The following ANKS1B variants were observed in gnomAD, a reference collection of about 807,000 sequenced individuals.
ANKS1B encodes the protein ankyrin repeat and sterile alpha motif domain containing 1B.
In ANKS1B, 36 loss-of-function variants were observed where a neutral mutation model predicts 148.3. That is an observed-to-expected ratio of 0.24 (90% CI 0.19 to 0.32). ANKS1B has a LOEUF of 0.32. ANKS1B is among the 10% of genes least tolerant of loss of function. The pLI is 1.00. For synonymous variants in ANKS1B, 542 were observed against 560.8 expected (o/e 0.97, Z 0.47); for missense variants, 1,157 against 1,542.6 (o/e 0.75, Z 4.19).
intron 8 of ANKS1B, among the ~76,000 whole-genome samples, chr12:99,705,043 A>G (rs530147857): frequency 6.6e-6 from 1 of 152,272 alleles, no homozygotes; most frequent in South Asian, 2.1e-4. Context: ...AGAAAAAACT[A>G]AAAATCAACC....
intron 15 of ANKS1B, among the ~76,000 whole-genome samples, chr12:99,135,191 T>C (rs1471663565): frequency 6.6e-6 from 1 of 152,112 alleles, no homozygotes; most frequent in Non-Finnish European, 1.5e-5. Flanking sequence ...TAAAAATCTA[T>C]TTAAACATTG....
chr12:99,552,772 G>T (rs1463839679), intron 9 of ANKS1B, among the ~76,000 whole-genome samples: 1 of 152,122 alleles, frequency 6.6e-6, no homozygotes. Context: ...ATAGAAAATG[G>T]TGTTGTATTT....
rs139744701 is a variant in ANKS1B, at chr12:99,752,763, C to T, written c.1128+20159G>A. ...AAAACACATTACTATTGGAATGCTG[C>T]TAAAAATATGACTAGAATTCATTTT... On this transcript the variant is annotated intron_variant, in intron 8 of 26. Coordinates refer to ENST00000683438, the MANE Select transcript of ANKS1B (RefSeq NM_001352186.2). Among the ~76,000 whole-genome samples the T allele has an allele frequency of 3.5e-3, 538 of 151,922 alleles. 3 individuals are homozygous for T. The highest frequency in any genetic ancestry group is 0.012 in the African/African-American group (496 of 41,470).
intron 22 of ANKS1B, chr12:98,794,824 A>T (rs1392416642): frequency 2.5e-6 from 4 of 1,591,322 alleles, no homozygotes; most frequent in Non-Finnish European, 3.4e-6. Flanking sequence ...GAAGAAAAAT[A>T]AAGAGCTACA....
intron 14 of ANKS1B, among the ~76,000 whole-genome samples, chr12:99,224,102 T>A (rs1180442371): frequency 6.7e-6 from 1 of 148,478 alleles, no homozygotes; most frequent in Non-Finnish European, 1.5e-5. Flanking sequence ...ATTTTTTAAA[T>A]TTTTTTTTTT....
intron 12 of ANKS1B, among the ~76,000 whole-genome samples, chr12:99,288,857 C>A (rs1234441521): frequency 6.6e-6 from 1 of 151,872 alleles, no homozygotes; most frequent in East Asian, 1.9e-4. Flanking sequence ...GAGAAGACCA[C>A]AAAACAACCA....
intron 12 of ANKS1B, among the ~76,000 whole-genome samples, chr12:99,265,098 A>G (rs1602211868): frequency 6.6e-6 from 1 of 152,286 alleles, no homozygotes; most frequent in East Asian, 1.9e-4. Context: ...AATTCATTTA[A>G]TTTTATTAAC....
chr12:99,594,229 G>A (rs1315233990), intron 9 of ANKS1B, among the ~76,000 whole-genome samples: 2 of 152,038 alleles, frequency 1.3e-5, no homozygotes, highest in South Asian at 4.2e-4. Context: ...TGAGGATGAG[G>A]AGAAATTGGA....
chr12:99,197,302 C>A (rs2081506139), intron 14 of ANKS1B, among the ~76,000 whole-genome samples: 1 of 152,172 alleles, frequency 6.6e-6, no homozygotes, highest in Admixed American at 6.5e-5. Flanking sequence ...CTTAGCCCAA[C>A]ACTCTTAGAA....
chr12:99,304,347 G>A (rs571292018), intron 12 of ANKS1B, among the ~76,000 whole-genome samples: 15 of 152,174 alleles, frequency 9.9e-5, no homozygotes, highest in Admixed American at 7.2e-4. Flanking sequence ...ACCTGGGAGG[G>A]TCTTCTTAAC....
intron 1 of ANKS1B, among the ~76,000 whole-genome samples, chr12:99,835,042 G>A (rs2084613225): frequency 6.6e-6 from 1 of 152,050 alleles, no homozygotes; most frequent in South Asian, 2.1e-4. Context: ...GTTTAGTGAT[G>A]GCACAATTTT....
At chr12:99,282,573 A>C (rs1042112008) in intron 12 of ANKS1B, among the ~76,000 whole-genome samples, 9 of 152,288 alleles carry the variant, frequency 5.9e-5, no homozygotes, top group African/African-American at 2.2e-4. Context: ...CAGGCAGGAA[A>C]AGACCATGGC....
intron 9 of ANKS1B, among the ~76,000 whole-genome samples, chr12:99,620,250 G>A (rs2098030122): frequency 6.6e-6 from 1 of 152,102 alleles, no homozygotes; most frequent in Non-Finnish European, 1.5e-5. Flanking sequence ...GAAAATCCTA[G>A]ATGCATGAGA....
intron 12 of ANKS1B, among the ~76,000 whole-genome samples, chr12:99,353,188 T>C (rs966261781): frequency 2.2e-4 from 33 of 152,054 alleles, no homozygotes; most frequent in African/African-American, 6.0e-4. Flanking sequence ...TAGAATAAGA[T>C]ATACATGGGT....
intron 9 of ANKS1B, among the ~76,000 whole-genome samples, chr12:99,533,906 C>A (rs1390176813): frequency 6.6e-6 from 1 of 151,948 alleles, no homozygotes; most frequent in African/African-American, 2.4e-5. Flanking sequence ...ACATAAATGA[C>A]CAATATTAAT....
At chr12:99,068,591 A>G (rs6419378) in intron 16 of ANKS1B, among the ~76,000 whole-genome samples, 99,210 of 151,540 alleles carry the variant, frequency 0.65, 32,587 homozygotes, top group East Asian at 0.8. Context: ...ATTTGGGTGA[A>G]TTTCTTTTAT....
chr12:99,812,068 T>G, intron 3 of ANKS1B, 87 bp downstream of exon 3: 1 of 1,473,398 alleles, frequency 6.8e-7, no homozygotes, highest in South Asian at 1.4e-5. Context: ...TTGGGCAAGG[T>G]AAAGATAAAA....
rs2063337946 is a variant in ANKS1B, at chr12:99,772,983, T to C, written c.1067A>G (p.Tyr356Cys). The C allele has an allele frequency of 2.5e-6, 4 of 1,612,716 alleles. No individual in the cohort carries two copies. The South Asian group carries it at 3.3e-5, about 13-fold the overall frequency. ...EDLCHTISDHYLDNLSKISEE... is the reference protein window; with the variant it reads ...EDLCHTISDHCLDNLSKISEE... ...TGAAATCTTGCTCAAATTATCTAAG[T>C]AGTGGTCTGATATTGTGTGGCACAA... The change falls in exon 8 of 27, where the codon TAC (tyrosine) becomes TGC (cysteine). Residue 356 changes from tyrosine to cysteine, a missense_variant. Coordinates refer to ENST00000683438, the MANE Select transcript of ANKS1B (RefSeq NM_001352186.2).
At chr12:99,388,104 C>T (rs984889861) in intron 12 of ANKS1B, among the ~76,000 whole-genome samples, 3 of 151,836 alleles carry the variant, frequency 2.0e-5, no homozygotes, top group Non-Finnish European at 2.9e-5. Context: ...TCTTAAACAG[C>T]GGAATGGCAT....
Sources: allele counts gnomAD v4.1 joint callset (sites outside exome capture counted in the v4.1 genomes callset), GRCh38; gene constraint gnomAD v4.1.1; transcripts MANE v1.5; gene names NCBI Gene and HGNC (gene_info 2026-07-23, HGNC 2026-07-21).